The following TBPL1 variants were observed in gnomAD, a reference collection of about 807,000 sequenced individuals.
The protein encoded by TBPL1 is TATA box-binding protein-like 1.
In TBPL1, 4 loss-of-function variants were observed where a neutral mutation model predicts 22.1. That is an observed-to-expected ratio of 0.18 (90% CI 0.09 to 0.41). The LOEUF (loss-of-function observed/expected upper bound fraction) is 0.41, where lower values mean the gene tolerates loss of function less well. Ranked by LOEUF, TBPL1 falls within the 10% of genes least tolerant of loss-of-function variation. The pLI, the probability that TBPL1 is intolerant of heterozygous loss-of-function variation, is 1.00. For missense variants in TBPL1, 115 were observed against 222.3 expected (o/e 0.52, Z 3.07); for synonymous variants, 64 against 71.0 (o/e 0.90, Z 0.50).
chr6:133,975,168 A>G (rs1194626486), intron 1 of TBPL1, among the ~76,000 whole-genome samples: 1 of 152,194 alleles, frequency 6.6e-6, no homozygotes, highest in Non-Finnish European at 1.5e-5. Flanking sequence ...CAAAGTGGAA[A>G]AAAAGCAAGA....
intron 1 of TBPL1, among the ~76,000 whole-genome samples, chr6:133,955,990 GGA>G (rs1336596347): frequency 6.6e-6 from 1 of 152,074 alleles, no homozygotes; most frequent in Non-Finnish European, 1.5e-5. Flanking sequence ...GAATGTTTTT[GGA>G]GAGAGTTATT....
intron 1 of TBPL1, among the ~76,000 whole-genome samples, chr6:133,969,326 ATAGTACCTTG>A (rs973249873): frequency 6.6e-6 from 1 of 151,162 alleles, no homozygotes; most frequent in African/African-American, 2.4e-5. Context: ...CCATTAAAAA[ATAGTACCTTG>A]TAGCTTTCTT....
rs1479524563 is a variant in TBPL1, at chr6:133,984,491, A to G, written c.386+12A>G. 4 of 1,612,900 alleles carry G rather than the reference A, an allele frequency of 2.5e-6. No homozygotes were observed. Among genetic ancestry groups the G allele is most frequent in the Non-Finnish European group, 3.4e-6 (4 of 1,179,404 alleles). ...AGACCTCATGCCAGGTAAGTCTTTG[A>G]AGCAATTTATCTTGAGAAATTACCA... On this transcript the variant is annotated intron_variant, in intron 5 of 6. Transcript: ENST00000237264.
intron 1 of TBPL1, among the ~76,000 whole-genome samples, chr6:133,978,566 C>T (rs1236654665): frequency 6.6e-6 from 1 of 151,990 alleles, no homozygotes; most frequent in African/African-American, 2.4e-5. Context: ...ACTCCTCATA[C>T]GTAAAAATTA....
intron 1 of TBPL1, among the ~76,000 whole-genome samples, chr6:133,962,629 C>G (rs1029501002): frequency 6.6e-6 from 1 of 152,124 alleles, no homozygotes; most frequent in African/African-American, 2.4e-5. Context: ...AATATGGATT[C>G]AGATATCTGA....
At chr6:133,984,275 T>G in intron 4 of TBPL1, 101 bp from the exon 5 acceptor site, 1 of 846,462 alleles carries the variant, frequency 1.2e-6, no homozygotes, top group South Asian at 1.8e-5. Context: ...ATGTTTTTGT[T>G]TTATCTTGTT....
At position 133,980,108 on chromosome 6, in the gene TBPL1, A is replaced by C; in HGVS notation, c.-18A>C. The C allele has an allele frequency of 6.8e-7, 1 of 1,477,438 alleles. No individual in the cohort carries two copies. The highest frequency in any genetic ancestry group is 1.4e-5 in the African/African-American group (1 of 69,670). 91.5% of individuals were successfully genotyped at this position (1,477,438 alleles called of 1,614,324 possible). On this transcript the variant is annotated 5_prime_UTR_variant, in exon 2 of 7. Coordinates refer to ENST00000237264, the MANE Select transcript of TBPL1 (RefSeq NM_004865.4). Reference sequence around the variant, plus strand: ...ATGTGATCTTCGTGGTGGAAAGCTAAATTTTAAAACCACCCCAATGGATGC... The same window carrying C: ...ATGTGATCTTCGTGGTGGAAAGCTACATTTTAAAACCACCCCAATGGATGC...
intron 4 of TBPL1, among the ~76,000 whole-genome samples, chr6:133,983,225 T>C (rs1284277637): frequency 6.6e-6 from 1 of 152,212 alleles, no homozygotes; most frequent in Non-Finnish European, 1.5e-5. Flanking sequence ...GAATGGTGAA[T>C]AGAGAATGGC....
upstream of TBPL1, chr6:133,952,333 G>T (rs1366721059): frequency 2.0e-5 from 3 of 152,404 alleles, no homozygotes; most frequent in Non-Finnish European, 4.4e-5. This position sits in a 1 kb window ranked among gnomAD's most constrained non-coding sequence, Gnocchi z 4.5. Flanking sequence ...GCCGCGGAGG[G>T]TCTCCGTTCC....
intron 1 of TBPL1, among the ~76,000 whole-genome samples, chr6:133,955,713 C>T (rs1583804834): frequency 6.6e-6 from 1 of 152,132 alleles, no homozygotes; most frequent in Admixed American, 6.5e-5. Context: ...TAATTGTAGA[C>T]GGTCACTTTT....
Position 133,989,612 on chromosome 6 carries a change from T to G in TBPL1, c.*2572T>G, listed in dbSNP as rs1203023195. On this transcript the variant is annotated 3_prime_UTR_variant, in exon 7 of 7. Coordinates refer to ENST00000237264, the MANE Select transcript of TBPL1 (RefSeq NM_004865.4). ...GATAGAATTGAGATCTCCAATCTCC[T>G]TTCCTTTTAGCTTCCCCCTGCCAAT... 1 of 152,176 alleles carries G rather than the reference T, an allele frequency of 6.6e-6. No homozygotes were observed. The highest frequency in any genetic ancestry group is 1.5e-5 in the Non-Finnish European group (1 of 68,024). The allele number at this position is 152,176 out of a possible 1,614,324, so 9.4% of individuals were successfully genotyped here.
At chr6:133,969,963 GA>G (rs1178010806) in intron 1 of TBPL1, among the ~76,000 whole-genome samples, 1 of 152,120 alleles carries the variant, frequency 6.6e-6, no homozygotes, top group Non-Finnish European at 1.5e-5. Flanking sequence ...AATTAGATGG[GA>G]ATCTTAAAAA....
intron 2 of TBPL1, among the ~76,000 whole-genome samples, chr6:133,981,024 A>G (rs1221695935): frequency 7.2e-6 from 1 of 139,620 alleles, no homozygotes; most frequent in Non-Finnish European, 1.5e-5. Flanking sequence ...CTGGAGTGCA[A>G]TGCAGTGGCA....
chr6:133,985,300 ATATATATAT>A lies in TBPL1; in HGVS notation c.481+630_481+638del, dbSNP rs1776495879. Among the ~76,000 whole-genome samples, 71 of 35,718 alleles carry A rather than the reference ATATATATAT, an allele frequency of 2.0e-3. 10 individuals are homozygous for A. The highest frequency in any genetic ancestry group is 9.8e-3 in the Middle Eastern group (1 of 102). The allele number at this position is 35,718 out of a possible 152,430, so 23.4% of individuals were successfully genotyped here. On this transcript the variant is annotated intron_variant, in intron 6 of 6. Coordinates refer to ENST00000237264, the MANE Select transcript of TBPL1 (RefSeq NM_004865.4). ...CTAAAAAAAAAAAAAAAAAAAAAAT[ATATATATAT>A]ATATATATATATATATATATATATA... is the stretch of plus-strand genomic sequence containing the variant.
At chr6:133,972,385 T>C (rs1218109365) in intron 1 of TBPL1, among the ~76,000 whole-genome samples, 1 of 152,226 alleles carries the variant, frequency 6.6e-6, no homozygotes, top group Non-Finnish European at 1.5e-5. Flanking sequence ...TATACAGACA[T>C]TTTGTCATTT....
In TBPL1 at chr6:133,965,462, C is replaced by T. The variant is rs111248868; in HGVS notation, c.-45+12037C>T. ...GTAAAATCTAGCATAATACCTATTT[C>T]GTAACATGTAGTAGATTTGGTCAGT... On this transcript the variant is annotated intron_variant, in intron 1 of 6. Coordinates refer to ENST00000237264, the MANE Select transcript of TBPL1 (RefSeq NM_004865.4). Among the ~76,000 whole-genome samples, 1,338 of 152,240 alleles carry T rather than the reference C, an allele frequency of 8.8e-3. 17 individuals carry two copies. The highest frequency in any genetic ancestry group is 0.01 in the Non-Finnish European group (682 of 68,012).
chr6:133,966,099 T>A (rs1486351566), intron 1 of TBPL1, among the ~76,000 whole-genome samples: 3 of 151,684 alleles, frequency 2.0e-5, no homozygotes, highest in Non-Finnish European at 4.4e-5. Context: ...AGAGAGAGAG[T>A]GTGTGTGCAT....
In TBPL1 at chr6:133,985,292, AAAAAAATATATATATATAT is replaced by A. The variant is rs1267955140; in HGVS notation, c.481+623_481+641del. Reference sequence around the variant, plus strand: ...GACTCTGTCTAAAAAAAAAAAAAAAAAAAAAATATATATATATATATATATATATATATATATATATATA... The same window carrying A: ...GACTCTGTCTAAAAAAAAAAAAAAAAATATATATATATATATATATATATA... On this transcript the variant is annotated intron_variant, in intron 6 of 6. Transcript: ENST00000237264. Among the ~76,000 whole-genome samples, 180 of 67,256 alleles carry A rather than the reference AAAAAAATATATATATATAT, an allele frequency of 2.7e-3. 27 individuals carry two copies. Among genetic ancestry groups the A allele is most frequent in the African/African-American group, 0.01 (174 of 16,622 alleles). The allele number at this position is 67,256 out of a possible 152,430, so 44.1% of individuals were successfully genotyped here. A position where few individuals can be genotyped will look rare whatever the true frequency, so the allele number is the denominator to read the frequency against.
intron 1 of TBPL1, among the ~76,000 whole-genome samples, chr6:133,977,595 C>T (rs1380972427): frequency 6.6e-6 from 1 of 152,126 alleles, no homozygotes; most frequent in Non-Finnish European, 1.5e-5. Flanking sequence ...ATAGTTGATT[C>T]GCATGAAGTT....
Sources: allele counts gnomAD v4.1 joint callset (sites outside exome capture counted in the v4.1 genomes callset), GRCh38; gene constraint gnomAD v4.1.1; non-coding constraint Gnocchi (gnomAD v3.1); transcripts MANE v1.5; gene names NCBI Gene and HGNC (gene_info 2026-07-23, HGNC 2026-07-21).